Variants in TIMM44 observed in about 807,000 individuals in gnomAD.
TIMM44 encodes the protein mitochondrial import inner membrane translocase subunit TIM44.
In TIMM44, 37 loss-of-function variants were observed where a neutral mutation model predicts 63.8. The observed-to-expected ratio is 0.58, with a 90% confidence interval of 0.45 to 0.76. TIMM44 has a LOEUF of 0.76. TIMM44 is among the 30% of genes least tolerant of loss of function. The probability of loss-of-function intolerance (pLI) is 0.00; values close to 1 mark genes in which losing one functional copy is unlikely to be tolerated. For synonymous variants in TIMM44, 239 were observed against 245.1 expected (o/e 0.98, Z 0.23); for missense variants, 573 against 603.8 (o/e 0.95, Z 0.54).
chr19:7,941,351 G>A (rs940504516), intron 1 of TIMM44, among the ~76,000 whole-genome samples, 154 bp from the exon 2 acceptor site: 11 of 150,238 alleles, frequency 7.3e-5, no homozygotes, highest in African/African-American at 2.5e-4. Context: ...GCAGTGCTGC[G>A]ATCTCAGCTC....
chr19:7,938,581 C>G (rs1340430376), intron 2 of TIMM44, among the ~76,000 whole-genome samples: 1 of 152,046 alleles, frequency 6.6e-6, no homozygotes, highest in African/African-American at 2.4e-5. Flanking sequence ...CTGAGGCGGG[C>G]AGATCACCTG....
In TIMM44 at chr19:7,933,633, G is replaced by T. The variant is rs55971109; in HGVS notation, c.684-63C>A. On this transcript the variant is annotated intron_variant, in intron 6 of 12. Coordinates refer to ENST00000270538, the MANE Select transcript of TIMM44 (RefSeq NM_006351.4). This position sits in a 1 kb window ranked among gnomAD's most constrained non-coding sequence, Gnocchi z 4.3. Reference sequence around the variant, plus strand: ...CCAGGGCCACCCTGTGCCCTCCTGCGGCTGCAGGCAGGGGGCAGTACAGGA... The same window carrying T: ...CCAGGGCCACCCTGTGCCCTCCTGCTGCTGCAGGCAGGGGGCAGTACAGGA... 45 of 1,467,404 alleles carry T rather than the reference G, an allele frequency of 3.1e-5. No individual in the cohort carries two copies. The East Asian group carries it at 1.0e-3, about 32-fold the overall frequency. 90.9% of individuals were successfully genotyped at this position (1,467,404 alleles called of 1,614,324 possible). A position where few individuals can be genotyped will look rare whatever the true frequency, so the allele number is the denominator to read the frequency against.
intron 2 of TIMM44, among the ~76,000 whole-genome samples, chr19:7,939,354 G>A (rs1984240263): frequency 6.6e-6 from 1 of 152,174 alleles, no homozygotes; most frequent in Non-Finnish European, 1.5e-5. Context: ...GCTCCTGCCT[G>A]TAATCTCAGC....
chr19:7,932,984 C>T (rs747538788), intron 7 of TIMM44, 52 bp from the exon 8 acceptor site: 15 of 1,459,500 alleles, frequency 1.0e-5, no homozygotes, highest in Admixed American at 1.7e-5. Flanking sequence ...AGAAACACAA[C>T]CCTCCCTCAC....
intron 9 of TIMM44, chr19:7,932,364 T>G (rs1267683677): frequency 1.1e-5 from 6 of 538,538 alleles, no homozygotes; most frequent in South Asian, 2.2e-5. Flanking sequence ...CCCAGCAACC[T>G]CAAAGGAACA....
chr19:7,941,052 T>C (rs369684044), intron 2 of TIMM44, 50 bp downstream of exon 2: 55 of 1,492,486 alleles, frequency 3.7e-5, no homozygotes, highest in Non-Finnish European at 4.9e-5. Context: ...GGGATCTGAA[T>C]TTTCGGGCCT....
In TIMM44 at chr19:7,928,172, A is replaced by G. The variant is rs1983871706; in HGVS notation, c.1039-6T>C. The stretch of plus-strand genomic sequence containing the variant: ...TGGGCCAGCTGGCTGTAAGTCTGCA[A>G]TGAGAGGCCGACACGCCTGCGTGAT... On this transcript the variant is annotated splice_region_variant and splice_polypyrimidine_tract_variant and intron_variant, in intron 10 of 12. Transcript: ENST00000270538. The G allele has an allele frequency of 6.2e-7, 1 of 1,612,780 alleles. No individual in the cohort carries two copies. The highest frequency in any genetic ancestry group is 8.5e-7 in the Non-Finnish European group (1 of 1,179,362).
intron 10 of TIMM44, among the ~76,000 whole-genome samples, chr19:7,930,878 A>G (rs973362853): frequency 1.6e-4 from 25 of 152,190 alleles, no homozygotes; most frequent in African/African-American, 5.8e-4. Context: ...TCTCCCTAAC[A>G]AAGTTTACAG....
At position 7,931,361 on chromosome 19, in the gene TIMM44, TC is replaced by T. The variant is rs976978017; in HGVS notation, c.988-174del. ...GCACTGGGTGTCCCCCCCAGGCCCG[TC>T]CCTGCTGGTGTCAGTGCCTGGCTCT... is the stretch of plus-strand genomic sequence containing the variant. On this transcript the variant is annotated intron_variant, in intron 9 of 12. Transcript: ENST00000270538. 3 of 681,276 alleles carry T rather than the reference TC, an allele frequency of 4.4e-6. No individual in the cohort carries two copies. In the African/African-American group the frequency reaches 5.4e-5, roughly 12 times the overall value. The allele number at this position is 681,276 out of a possible 1,614,324, so 42.2% of individuals were successfully genotyped here. A position where few individuals can be genotyped will look rare whatever the true frequency, so the allele number is the denominator to read the frequency against.
Position 7,934,400 on chromosome 19 carries a change from G to A in TIMM44, c.394-162C>T, listed in dbSNP as rs1164591177. 6.6e-6 allele frequency among the ~76,000 whole-genome samples: 1 copy of A among 151,088 alleles called. No individual in the cohort carries two copies. Among genetic ancestry groups the A allele is most frequent in the Non-Finnish European group, 1.5e-5 (1 of 67,752 alleles). ...TGGTACGCGGCACCCCCAGAGCCAT[G>A]AGCACAACGGCACCCCCAGAGCCAC... On this transcript the variant is annotated intron_variant, in intron 4 of 12. Transcript: ENST00000270538. This position sits in a 1 kb window ranked among gnomAD's most constrained non-coding sequence, Gnocchi z 5.3.
At chr19:7,937,714 C>T (rs571885341) in intron 3 of TIMM44, 1 of 346,188 alleles carries the variant, frequency 2.9e-6, no homozygotes, top group East Asian at 7.7e-5. Context: ...ACATGTCAAC[C>T]AAGAAAGGTA....
chr19:7,943,598 G>A lies in TIMM44; in HGVS notation c.45+9C>T. 6.4e-7 allele frequency: 1 copy of A among 1,562,914 alleles called. No individual in the cohort carries two copies. ...AAGCTCGCCCTGCCAGCGCCGCACC[G>A]CCGCTCACCCGTGGACAGCGGCACC... is the stretch of plus-strand genomic sequence containing the variant. On this transcript the variant is annotated intron_variant, in intron 1 of 12. Coordinates refer to ENST00000270538, the MANE Select transcript of TIMM44 (RefSeq NM_006351.4). This position sits in a 1 kb window ranked among gnomAD's most constrained non-coding sequence, Gnocchi z 4.3.
At chr19:7,929,378 CTA>C (rs1313406787) in intron 10 of TIMM44, among the ~76,000 whole-genome samples, 4 of 152,196 alleles carry the variant, frequency 2.6e-5, no homozygotes, top group African/African-American at 4.8e-5. Context: ...TTGTTTGGAT[CTA>C]TGTTTCAGGA....
intron 3 of TIMM44, among the ~76,000 whole-genome samples, chr19:7,935,445 G>A (rs1017728585): frequency 6.6e-6 from 1 of 152,156 alleles, no homozygotes; most frequent in East Asian, 1.9e-4. Context: ...GATTATAGGT[G>A]TGAGCCACTG....
chr19:7,933,597 G>A lies in TIMM44; in HGVS notation c.684-27C>T, dbSNP rs763166416. On this transcript the variant is annotated intron_variant, in intron 6 of 12. Transcript: ENST00000270538. This position sits in a 1 kb window ranked among gnomAD's most constrained non-coding sequence, Gnocchi z 4.3. The stretch of plus-strand genomic sequence containing the variant: ...TGGGGAAGAGGGTGGGCCCTGGGGT[G>A]AGCGGCGGCGCCAGGGCCACCCTGT... The A allele has an allele frequency of 5.1e-5, 81 of 1,597,370 alleles. No homozygotes were observed. Among genetic ancestry groups the A allele is most frequent in the Middle Eastern group, 3.3e-4 (2 of 6,044 alleles).
At chr19:7,931,115 A>AT in intron 10 of TIMM44, 23 bp downstream of exon 10, 1 of 1,602,916 alleles carries the variant, frequency 6.2e-7, no homozygotes, top group Non-Finnish European at 8.5e-7. Flanking sequence ...AAAAAAAAAA[A>AT]GAAAAAGAAA....
chr19:7,927,178 G>A lies in TIMM44; in HGVS notation c.*9C>T, dbSNP rs1220528794. The A allele has an allele frequency of 1.2e-6, 2 of 1,605,140 alleles. No individual in the cohort carries two copies. The highest frequency in any genetic ancestry group is 4.5e-5 in the East Asian group (2 of 44,794). On this transcript the variant is annotated 3_prime_UTR_variant, in exon 13 of 13. Coordinates refer to ENST00000270538, the MANE Select transcript of TIMM44 (RefSeq NM_006351.4). ...CCCAGGCCGGGGCTACCTGGCTCCG[G>A]CACCACACTCAGAGAATCTGCTCGG...
chr19:7,943,616 G>T lies in TIMM44; in HGVS notation c.36C>A (p.Arg12=). The change falls in exon 1 of 13, where the codon CGC becomes CGA. Residue 12 remains arginine, a synonymous_variant. Transcript: ENST00000270538. This position sits in a 1 kb window ranked among gnomAD's most constrained non-coding sequence, Gnocchi z 4.3. ...AAAALRSGWC[R]CPRRCLGSGI... is the part of the protein sequence containing the mutation. The stretch of plus-strand genomic sequence containing the variant: ...CCGCACCGCCGCTCACCCGTGGACA[G>T]CGGCACCAGCCACTCCGCAGGGCCG... 6.4e-7 allele frequency: 1 copy of T among 1,560,072 alleles called. No homozygotes were observed. Among genetic ancestry groups the T allele is most frequent in the African/African-American group, 1.4e-5 (1 of 73,610 alleles).
intron 8 of TIMM44, 27 bp from the exon 9 acceptor site, chr19:7,932,778 G>T (rs762263070): frequency 3.7e-6 from 6 of 1,613,930 alleles, no homozygotes; most frequent in South Asian, 2.2e-5. Flanking sequence ...CGGGAGTTCG[G>T]GGGGAAGGCC....
Sources: allele counts gnomAD v4.1 joint callset (sites outside exome capture counted in the v4.1 genomes callset), GRCh38; gene constraint gnomAD v4.1.1; non-coding constraint Gnocchi (gnomAD v3.1); transcripts MANE v1.5; gene names NCBI Gene and HGNC (gene_info 2026-07-23, HGNC 2026-07-21).